The following STPG2 variants were observed in gnomAD, a reference collection of about 807,000 sequenced individuals.
STPG2 encodes the protein sperm tail PG-rich repeat containing 2.
STPG2 carries 56 observed loss-of-function variants against 54.2 expected under a neutral mutation model. The observed-to-expected ratio is 1.03, with a 90% CI of 0.83 to 1.29. The LOEUF (loss-of-function observed/expected upper bound fraction) is 1.29, where lower values mean the gene tolerates loss of function less well. Among genes scored for constraint, STPG2 ranks in the 50% most tolerant of loss-of-function variants. STPG2 has a pLI of 0.00. For synonymous variants in STPG2, 200 were observed against 181.8 expected (o/e 1.10, Z -0.81); for missense variants, 596 against 544.9 (o/e 1.09, Z -0.93).
In STPG2 at chr4:97,742,714, T is replaced by A. The variant is rs181137534; in HGVS notation, c.1205-29900A>T. ...TGATTTTGCTTACGTGTGGAATATTTAAAAAAAAACAAAAACAGAGTAAAA... is the reference window on the plus strand; with the variant it reads ...TGATTTTGCTTACGTGTGGAATATTAAAAAAAAAACAAAAACAGAGTAAAA... On this transcript the variant is annotated intron_variant, in intron 9 of 10. Coordinates refer to ENST00000295268, the MANE Select transcript of STPG2 (RefSeq NM_174952.3). 8.3e-4 allele frequency among the ~76,000 whole-genome samples: 121 copies of A among 145,826 alleles called. 1 individual carries two copies. Among genetic ancestry groups the A allele is most frequent in the African/African-American group, 1.4e-3 (54 of 39,252 alleles).
At chr4:97,737,236 G>A (rs973978498) in intron 9 of STPG2, among the ~76,000 whole-genome samples, 2 of 152,094 alleles carry the variant, frequency 1.3e-5, no homozygotes, top group Non-Finnish European at 2.9e-5. Flanking sequence ...AAGACCAAAG[G>A]TAGATAAAAC....
chr4:97,653,364 G>A (rs1161021447), intron 10 of STPG2, among the ~76,000 whole-genome samples: 13 of 150,354 alleles, frequency 8.6e-5, no homozygotes, highest in African/African-American at 2.9e-4. Context: ...AACAGTAGTG[G>A]AACAAATAGC....
chr4:97,579,152 GATA>G lies in STPG2; in HGVS notation c.1321-20038_1321-20036del, dbSNP rs762502495. On this transcript the variant is annotated intron_variant, in intron 10 of 10. Transcript: ENST00000295268. ...AACTTGCATGAATTTTTAGTAAGTT[GATA>G]ATAATAATCATTAGTTATGGCTATT... Among the ~76,000 whole-genome samples the G allele has an allele frequency of 1.2e-4, 19 of 152,154 alleles. No homozygotes were observed. In the South Asian group the frequency reaches 2.9e-3, roughly 23 times the overall value.
chr4:97,912,152 A>G (rs557204642), intron 8 of STPG2, among the ~76,000 whole-genome samples: 1 of 152,314 alleles, frequency 6.6e-6, no homozygotes, highest in East Asian at 1.9e-4. Context: ...CCTACAAAAA[A>G]AACATTCAAA....
chr4:97,617,689 T>G (rs907175791), intron 10 of STPG2, among the ~76,000 whole-genome samples: 1 of 152,140 alleles, frequency 6.6e-6, no homozygotes, highest in African/African-American at 2.4e-5. Context: ...TCCTTTCCCT[T>G]TTCTGAGCAA....
intron 5 of STPG2, among the ~76,000 whole-genome samples, chr4:98,065,222 C>G (rs1339933446): frequency 6.6e-6 from 1 of 152,014 alleles, no homozygotes; most frequent in Non-Finnish European, 1.5e-5. Context: ...AATTTCTATT[C>G]AAGGCAACAA....
intron 10 of STPG2, among the ~76,000 whole-genome samples, chr4:97,602,453 CTT>C (rs1314410120): frequency 6.6e-6 from 1 of 151,760 alleles, no homozygotes. Context: ...GCCTCTATTA[CTT>C]TGTTAAGTAG....
chr4:97,764,495 T>C (rs1725983375), intron 9 of STPG2, among the ~76,000 whole-genome samples: 1 of 152,132 alleles, frequency 6.6e-6, no homozygotes, highest in Non-Finnish European at 1.5e-5. Flanking sequence ...GGTTAAAGGA[T>C]ACAAGGCTGG....
intron 4 of STPG2, chr4:97,441,515 A>T (rs560380330): frequency 6.6e-6 from 1 of 151,956 alleles, no homozygotes; most frequent in Non-Finnish European, 1.5e-5. Flanking sequence ...ATATTAATAG[A>T]TATTACCTTT....
intron 8 of STPG2, among the ~76,000 whole-genome samples, chr4:97,847,113 T>C (rs1305826585): frequency 2.0e-5 from 3 of 152,162 alleles, no homozygotes; most frequent in African/African-American, 7.2e-5. Context: ...ATTTATAGGC[T>C]ATAAATATAG....
intron 9 of STPG2, among the ~76,000 whole-genome samples, chr4:97,817,677 C>A (rs1308270928): frequency 1.3e-5 from 2 of 152,016 alleles, no homozygotes; most frequent in East Asian, 3.9e-4. Flanking sequence ...AAAATCTATC[C>A]CAGAGCATTC....
At chr4:97,692,213 G>A (rs1340670014) in intron 10 of STPG2, among the ~76,000 whole-genome samples, 1 of 141,518 alleles carries the variant, frequency 7.1e-6, no homozygotes, top group South Asian at 2.3e-4. Context: ...AAAGAATTCA[G>A]AAAGTTGACC....
intron 8 of STPG2, among the ~76,000 whole-genome samples, chr4:97,854,611 GA>G (rs1729273289): frequency 4.0e-5 from 6 of 151,734 alleles, no homozygotes. Flanking sequence ...ACAGACATGA[GA>G]AACATAGCAA....
intron 8 of STPG2, among the ~76,000 whole-genome samples, chr4:97,931,219 T>C (rs1020559473): frequency 3.9e-5 from 6 of 152,224 alleles, no homozygotes; most frequent in Middle Eastern, 6.3e-3. Flanking sequence ...TCCAATACTA[T>C]GCTGAATAAA....
At chr4:97,616,875 G>T (rs1251900437) in intron 10 of STPG2, among the ~76,000 whole-genome samples, 1 of 151,914 alleles carries the variant, frequency 6.6e-6, no homozygotes, top group Non-Finnish European at 1.5e-5. Context: ...ATAAGCAAGA[G>T]GTAAAAATGA....
At chr4:97,672,927 T>A (rs1722742921) in intron 10 of STPG2, among the ~76,000 whole-genome samples, 1 of 152,244 alleles carries the variant, frequency 6.6e-6, no homozygotes. Context: ...AATCACTGGC[T>A]TTTAGAACTT....
chr4:97,536,644 G>A (rs959493496), intron 4 of STPG2, among the ~76,000 whole-genome samples: 3 of 152,170 alleles, frequency 2.0e-5, no homozygotes, highest in African/African-American at 4.8e-5. Context: ...ATGACGTAAA[G>A]GCTTCAGAGA....
chr4:98,117,311 A>G (rs1560686961), intron 3 of STPG2, among the ~76,000 whole-genome samples: 1 of 151,814 alleles, frequency 6.6e-6, no homozygotes, highest in South Asian at 2.1e-4. Flanking sequence ...GATTCCTTCT[A>G]TATGATATGT....
chr4:97,827,020 T>G lies in STPG2; in HGVS notation c.1204+13753A>C, dbSNP rs2149108846. Among the ~76,000 whole-genome samples the G allele has an allele frequency of 2.0e-5, 3 of 152,282 alleles. 1 individual carries two copies. In the Middle Eastern group the frequency reaches 0.01, roughly 518 times the overall value. On this transcript the variant is annotated intron_variant, in intron 9 of 10. Coordinates refer to ENST00000295268, the MANE Select transcript of STPG2 (RefSeq NM_174952.3). ...TGACAGGTGATCCTGAATGCAGGTT[T>G]CTGATAACATTGGAGATTATAACAG... is the stretch of plus-strand genomic sequence containing the variant.
Sources: gnomAD v4.1 joint callset for allele counts (sites outside exome capture counted in the v4.1 genomes callset) on GRCh38, gnomAD v4.1.1 for gene constraint, MANE v1.5 for transcripts, NCBI Gene and HGNC (gene_info 2026-07-23, HGNC 2026-07-21) for gene names.